The following KCNH8 variants were observed in gnomAD, a reference collection of about 807,000 sequenced individuals.
The protein encoded by KCNH8 is voltage-gated delayed rectifier potassium channel KCNH8.
KCNH8 carries 70 observed loss-of-function variants against 103.6 expected under a neutral mutation model. The ratio of observed to expected loss-of-function variants is 0.68; its 90% CI spans 0.56 to 0.82. The LOEUF (loss-of-function observed/expected upper bound fraction) is 0.82. Ranked by LOEUF, KCNH8 falls within the 40% of genes least tolerant of loss-of-function variation. The pLI is 0.00. For synonymous variants in KCNH8, 498 were observed against 489.4 expected (o/e 1.02, Z -0.23); for missense variants, 1,217 against 1,329.9 (o/e 0.92, Z 1.32).
chr3:19,533,728 C>T lies in KCNH8; in HGVS notation c.2953C>T (p.Leu985Phe), dbSNP rs2069212471. The change falls in exon 16 of 16, where the codon CTT becomes TTT. Residue 985 changes from leucine to phenylalanine, a missense_variant. Physicochemically the swap from Leu to Phe is conservative, Grantham distance 22. Coordinates refer to ENST00000328405, the MANE Select transcript of KCNH8 (RefSeq NM_144633.3). ...AHEQNPADSE[L>F]YHSPSLDYSP... ...TGAGCAAAATCCTGCAGACAGTGAA[C>T]TTTATCATTCTCCAAGCCTTGATTA... 1 of 1,614,036 alleles carries T rather than the reference C, an allele frequency of 6.2e-7. No individual in the cohort carries two copies. The highest frequency in any genetic ancestry group is 1.1e-5 in the South Asian group (1 of 91,088).
intron 1 of KCNH8, among the ~76,000 whole-genome samples, chr3:19,175,290 C>G (rs914071886): frequency 6.7e-6 from 1 of 149,350 alleles, no homozygotes; most frequent in Non-Finnish European, 1.5e-5. Context: ...GGCGCGATCT[C>G]GGCTCCCTGC....
In KCNH8 at chr3:19,177,601, A is replaced by G. The variant is rs1451480719; in HGVS notation, c.76+28806A>G. 4.6e-5 allele frequency among the ~76,000 whole-genome samples: 7 copies of G among 152,062 alleles called. No homozygotes were observed. In the East Asian group the frequency reaches 5.8e-4, roughly 13 times the overall value. The stretch of plus-strand genomic sequence containing the variant: ...TATTAAAACTTGAGTATTTAAATGC[A>G]TGTATATTTAAATACATGTGTATTA... On this transcript the variant is annotated intron_variant, in intron 1 of 15. Coordinates refer to ENST00000328405, the MANE Select transcript of KCNH8 (RefSeq NM_144633.3).
At chr3:19,287,184 G>T (rs1458197851) in intron 3 of KCNH8, among the ~76,000 whole-genome samples, 1 of 152,072 alleles carries the variant, frequency 6.6e-6, no homozygotes, top group Non-Finnish European at 1.5e-5. Flanking sequence ...AAAGAAGTAG[G>T]TCAAGGGTAG....
chr3:19,287,216 T>C (rs969587388), intron 3 of KCNH8, among the ~76,000 whole-genome samples: 6 of 152,070 alleles, frequency 3.9e-5, no homozygotes, highest in Admixed American at 2.0e-4. Flanking sequence ...ATACTAACGT[T>C]TGAGGAACCA....
At chr3:19,430,268 G>T (rs1469598944) in intron 7 of KCNH8, among the ~76,000 whole-genome samples, 2 of 152,146 alleles carry the variant, frequency 1.3e-5, no homozygotes, top group Non-Finnish European at 2.9e-5. Flanking sequence ...TCAAAGATTA[G>T]ATAGTTGTAG....
chr3:19,420,927 T>C lies in KCNH8; in HGVS notation c.1178-17237T>C, dbSNP rs138017741. On this transcript the variant is annotated intron_variant, in intron 7 of 15. Transcript: ENST00000328405. ...GTATAAGCAAGCCATCTTATGGTAG[T>C]CATTCTTTACAAATATGACTATGTT... Among the ~76,000 whole-genome samples the C allele has an allele frequency of 9.8e-5, 15 of 152,300 alleles. No homozygotes were observed. In the East Asian group the frequency reaches 2.3e-3, roughly 24 times the overall value.
intron 5 of KCNH8, among the ~76,000 whole-genome samples, chr3:19,365,108 C>T (rs2065993840): frequency 6.6e-6 from 1 of 152,010 alleles, no homozygotes; most frequent in Admixed American, 6.6e-5. Context: ...ATAATTCCAC[C>T]ATTCTTTACT....
intron 2 of KCNH8, among the ~76,000 whole-genome samples, chr3:19,276,889 A>G (rs2064680863): frequency 6.6e-6 from 1 of 152,170 alleles, no homozygotes; most frequent in African/African-American, 2.4e-5. Flanking sequence ...TCAATATATT[A>G]AAGAGATATC....
intron 7 of KCNH8, among the ~76,000 whole-genome samples, chr3:19,422,306 T>C (rs1216842595): frequency 6.6e-6 from 1 of 152,098 alleles, no homozygotes; most frequent in Non-Finnish European, 1.5e-5. Flanking sequence ...ATGAAAATTG[T>C]CAACTAATCT....
chr3:19,264,150 A>G (rs137892549), intron 2 of KCNH8, among the ~76,000 whole-genome samples: 98 of 152,156 alleles, frequency 6.4e-4, no homozygotes, highest in Middle Eastern at 3.4e-3. Flanking sequence ...TTAATATTTT[A>G]TATTTGCCTC....
chr3:19,525,298 T>C (rs1036171573), intron 15 of KCNH8, among the ~76,000 whole-genome samples: 2 of 151,902 alleles, frequency 1.3e-5, no homozygotes, highest in South Asian at 2.1e-4. Flanking sequence ...TGGCATCAAC[T>C]TGAGCTTATT....
chr3:19,426,738 G>A (rs1461961054), intron 7 of KCNH8, among the ~76,000 whole-genome samples: 1 of 152,026 alleles, frequency 6.6e-6, no homozygotes. Context: ...CTGTGACTTT[G>A]CTTCTTAGCA....
chr3:19,452,358 C>A (rs1156458330), intron 10 of KCNH8, among the ~76,000 whole-genome samples: 1 of 151,994 alleles, frequency 6.6e-6, no homozygotes, highest in Non-Finnish European at 1.5e-5. Context: ...GAACTCCAGC[C>A]TGAGTGCAGA....
intron 11 of KCNH8, among the ~76,000 whole-genome samples, chr3:19,485,297 C>A (rs910830682): frequency 6.6e-6 from 1 of 152,190 alleles, no homozygotes; most frequent in Non-Finnish European, 1.5e-5. Context: ...CCAGCAAATA[C>A]TTGTTACCTC....
chr3:19,481,807 C>A (rs776545490), intron 11 of KCNH8, among the ~76,000 whole-genome samples: 8 of 152,148 alleles, frequency 5.3e-5, no homozygotes, highest in Non-Finnish European at 1.2e-4. Flanking sequence ...GCATTAACTG[C>A]TGGAGAAAGT....
intron 2 of KCNH8, among the ~76,000 whole-genome samples, chr3:19,280,852 G>C (rs752256153): frequency 6.6e-6 from 1 of 152,110 alleles, no homozygotes; most frequent in Non-Finnish European, 1.5e-5. Context: ...ACGAGTGTGT[G>C]CTGGGGGTGG....
intron 4 of KCNH8, among the ~76,000 whole-genome samples, chr3:19,343,985 A>ATT (rs67333323): frequency 0.35 from 50,564 of 144,856 alleles, 9,484 homozygotes; most frequent in African/African-American, 0.5. Context: ...TCACGCTTTG[A>ATT]TTTTTTTTTT....
chr3:19,256,777 A>G (rs1486185235), intron 2 of KCNH8, among the ~76,000 whole-genome samples: 1 of 152,088 alleles, frequency 6.6e-6, no homozygotes, highest in Non-Finnish European at 1.5e-5. Context: ...AGCCTTAGAC[A>G]CACTTGGGTA....
chr3:19,495,128 A>G (rs1031661680), intron 11 of KCNH8, among the ~76,000 whole-genome samples: 1 of 151,928 alleles, frequency 6.6e-6, no homozygotes, highest in African/African-American at 2.4e-5. Flanking sequence ...GTTTGCAAAT[A>G]TTTTCTCCCA....
Sources: allele counts gnomAD v4.1 joint callset (sites outside exome capture counted in the v4.1 genomes callset), GRCh38; gene constraint gnomAD v4.1.1; transcripts MANE v1.5; gene names NCBI Gene and HGNC (gene_info 2026-07-23, HGNC 2026-07-21).